Variants in STRADB observed in about 807,000 individuals in gnomAD.
STRADB encodes STE20 related adaptor beta, also known as STE20-related kinase adapter protein beta.
A neutral mutation model predicts 52.1 loss-of-function variants in STRADB; 34 were observed. The observed-to-expected ratio is 0.65, with a 90% CI of 0.50 to 0.87. The LOEUF (loss-of-function observed/expected upper bound fraction) is 0.87, where lower values mean the gene tolerates loss of function less well. Among genes scored for constraint, STRADB ranks in the 40% least tolerant of loss-of-function variants. The probability of loss-of-function intolerance (pLI) is 0.00; values close to 1 mark genes in which losing one functional copy is unlikely to be tolerated. For missense variants in STRADB, 340 were observed against 483.9 expected, an observed-to-expected ratio of 0.70 and a Z score of 2.79; for synonymous variants, 133 against 174.5, an observed-to-expected ratio of 0.76 and a Z score of 1.87.
At chr2:201,478,747 T>A in intron 10 of STRADB, 146 bp downstream of exon 10, 1 of 1,018,508 alleles carries the variant, frequency 9.8e-7, no homozygotes, top group Non-Finnish European at 1.4e-6. Flanking sequence ...GAACAATTAG[T>A]GGGAACAAGC....
rs781566771 is a variant in STRADB at position 201,478,190 on chromosome 2, A to G, written c.824A>G (p.Gln275Arg). 4 of 1,610,000 alleles carry G rather than the reference A, an allele frequency of 2.5e-6. No homozygotes were observed. Among genetic ancestry groups the G allele is most frequent in the Non-Finnish European group, 3.4e-6 (4 of 1,178,578 alleles). Residue 275 changes from glutamine to arginine, a missense_variant and splice_region_variant, in exon 9 of 12, where the codon CAG (glutamine) becomes CGG (arginine). Coordinates refer to ENST00000194530, the MANE Select transcript of STRADB (RefSeq NM_018571.6). ...QVPFQDMHRT[Q>R]MLLQKLKGPP... ...CCTTTCCAGGACATGCATAGAACTCAGGTAAGTGCTGCTAAAATCCCTGAG... is the reference window on the plus strand; with the variant it reads ...CCTTTCCAGGACATGCATAGAACTCGGGTAAGTGCTGCTAAAATCCCTGAG...
chr2:201,471,737 C>A (rs757102357), intron 4 of STRADB, among the ~76,000 whole-genome samples: 8 of 152,142 alleles, frequency 5.3e-5, no homozygotes. Context: ...ATCTTCATTA[C>A]CTGTGTCTTT....
At chr2:201,474,789 C>G (rs202043962) in intron 6 of STRADB, 34 bp downstream of exon 6, 2 of 1,480,778 alleles carry the variant, frequency 1.4e-6, no homozygotes, top group Non-Finnish European at 1.8e-6. Flanking sequence ...ATTAACTTAG[C>G]CTAGATGTTA....
chr2:201,458,675 C>G (rs1952165327), intron 2 of STRADB, 109 bp from the exon 3 acceptor site: 1 of 868,718 alleles, frequency 1.2e-6, no homozygotes, highest in African/African-American at 1.7e-5. Flanking sequence ...GCAAGTTGCC[C>G]TTCCTCTCTT....
In STRADB at chr2:201,463,820, C is replaced by T. The variant is rs189092618; in HGVS notation, c.93+4956C>T. Among the ~76,000 whole-genome samples the T allele has an allele frequency of 3.9e-5, 6 of 151,992 alleles. No individual in the cohort carries two copies. In the East Asian group the frequency reaches 7.7e-4, roughly 20 times the overall value. On this transcript the variant is annotated intron_variant, in intron 3 of 11. Transcript: ENST00000194530. ...TTGTCTTCTCTGTATTTTCAAATAG[C>T]CTGTCTTCAGTCTCACTAATTCTTT...
At chr2:201,458,614 C>T (rs1205322234) in intron 2 of STRADB, among the ~76,000 whole-genome samples, 170 bp from the exon 3 acceptor site, 3 of 152,220 alleles carry the variant, frequency 2.0e-5, no homozygotes, top group African/African-American at 4.8e-5. Context: ...TCCCTTCTCT[C>T]CCATGCTGAG....
At chr2:201,470,083 C>T in intron 4 of STRADB, 31 bp downstream of exon 4, 1 of 1,492,672 alleles carries the variant, frequency 6.7e-7, no homozygotes, top group South Asian at 1.1e-5. Flanking sequence ...ATTGACCCTT[C>T]AGTGCTAGAA....
At chr2:201,474,589 C>T in intron 5 of STRADB, 58 bp from the exon 6 acceptor site, 2 of 1,473,070 alleles carry the variant, frequency 1.4e-6, no homozygotes, top group Non-Finnish European at 1.9e-6. Context: ...CCGCCATTTT[C>T]ATCATAAGGA....
chr2:201,461,370 A>G (rs1952213401), intron 3 of STRADB, among the ~76,000 whole-genome samples: 1 of 151,994 alleles, frequency 6.6e-6, no homozygotes, highest in Admixed American at 6.6e-5. Flanking sequence ...AAGAGGTCTC[A>G]CTATGTTGAC....
At chr2:201,458,482 A>T (rs1193910787) in intron 2 of STRADB, among the ~76,000 whole-genome samples, 1 of 152,258 alleles carries the variant, frequency 6.6e-6, no homozygotes, top group Non-Finnish European at 1.5e-5. Context: ...AGACAGAGTT[A>T]AAAATTAACA....
intron 1 of STRADB, among the ~76,000 whole-genome samples, 155 bp from the exon 2 acceptor site, chr2:201,454,591 G>A (rs1952099659): frequency 6.6e-6 from 1 of 152,112 alleles, no homozygotes; most frequent in Non-Finnish European, 1.5e-5. Context: ...GCTCTTTAAA[G>A]ATACTTTTCA....
chr2:201,452,530 G>A (rs1952062712), intron 1 of STRADB, among the ~76,000 whole-genome samples: 1 of 152,156 alleles, frequency 6.6e-6, no homozygotes, highest in African/African-American at 2.4e-5. Flanking sequence ...TGCTTAGCAC[G>A]GTGCCTGGCA....
chr2:201,477,546 G>A, intron 7 of STRADB, 73 bp from the exon 8 acceptor site: 2 of 1,457,166 alleles, frequency 1.4e-6, no homozygotes, highest in Non-Finnish European at 1.9e-6. Context: ...ATATGGATTT[G>A]TTCCTGCCAG....
intron 7 of STRADB, among the ~76,000 whole-genome samples, 194 bp downstream of exon 7, chr2:201,475,936 C>T (rs1473535989): frequency 6.6e-6 from 1 of 152,096 alleles, no homozygotes; most frequent in East Asian, 1.9e-4. Flanking sequence ...ATGTTCAGAC[C>T]ACATCCTCTG....
intron 3 of STRADB, 96 bp downstream of exon 3, chr2:201,458,960 G>A (rs1952171339): frequency 9.7e-6 from 10 of 1,028,704 alleles, no homozygotes; most frequent in Middle Eastern, 3.1e-4. Context: ...CTAGGAGTTC[G>A]AGACCAGCCT....
chr2:201,473,204 A>T, intron 5 of STRADB, 128 bp downstream of exon 5: 4 of 801,324 alleles, frequency 5.0e-6, no homozygotes, highest in Non-Finnish European at 7.0e-6. Context: ...AAATAGTACA[A>T]ATAAAACACA....
chr2:201,474,558 C>T, intron 5 of STRADB, 89 bp from the exon 6 acceptor site: 1 of 1,060,504 alleles, frequency 9.4e-7, no homozygotes, highest in East Asian at 2.4e-5. Flanking sequence ...AATAAGCACC[C>T]TTGAGTATTA....
Position 201,458,891 on chromosome 2 carries a change from G to A in STRADB, c.93+27G>A, listed in dbSNP as rs377758651. Reference sequence around the variant, plus strand: ...TAAGAAAATGGTTAGGCTGGATGCAGTGGTTCACACCTGTAATCCCAACAC... The same window carrying A: ...TAAGAAAATGGTTAGGCTGGATGCAATGGTTCACACCTGTAATCCCAACAC... On this transcript the variant is annotated intron_variant, in intron 3 of 11. Transcript: ENST00000194530. 44 of 1,594,274 alleles carry A rather than the reference G, an allele frequency of 2.8e-5. No individual in the cohort carries two copies. In the African/African-American group the frequency reaches 5.5e-4, roughly 20 times the overall value.
chr2:201,469,881 C>T (rs1952362256), intron 3 of STRADB, 72 bp from the exon 4 acceptor site: 1 of 1,075,558 alleles, frequency 9.3e-7, no homozygotes, highest in Non-Finnish European at 1.4e-6. Flanking sequence ...AATATAACAC[C>T]AGTGTTTTAT....
Sources: allele counts gnomAD v4.1 joint callset (sites outside exome capture counted in the v4.1 genomes callset), GRCh38; gene constraint gnomAD v4.1.1; transcripts MANE v1.5; gene names NCBI Gene and HGNC (gene_info 2026-07-23, HGNC 2026-07-21).